Variants in SOX5 observed in about 807,000 individuals in gnomAD.
SOX5 encodes transcription factor SOX-5.
Under a neutral mutation model 92.0 loss-of-function variants are expected in SOX5, and 9 were observed. That is an observed-to-expected ratio of 0.10 (90% CI 0.06 to 0.17). The LOEUF is 0.17. SOX5 is among the 10% of genes least tolerant of loss of function. The pLI is 1.00. For missense variants in SOX5, 642 were observed against 944.5 expected (o/e 0.68, Z 4.20); for synonymous variants, 344 against 336.3 (o/e 1.02, Z -0.25).
intron 2 of SOX5, among the ~76,000 whole-genome samples, chr12:24,334,083 T>C (rs577258260): frequency 6.6e-6 from 1 of 151,348 alleles, no homozygotes; most frequent in African/African-American, 2.4e-5. Flanking sequence ...GAAATACTCA[T>C]ACTATATACT....
At chr12:24,071,528 A>T (rs1368037322) in intron 4 of SOX5, among the ~76,000 whole-genome samples, 1 of 152,084 alleles carries the variant, frequency 6.6e-6, no homozygotes, top group African/African-American at 2.4e-5. Flanking sequence ...TCTGCCTCCC[A>T]GGTTCACGCC....
chr12:23,566,685 C>T (rs1411768700), intron 10 of SOX5, among the ~76,000 whole-genome samples: 1 of 152,184 alleles, frequency 6.6e-6, no homozygotes, highest in East Asian at 1.9e-4. Context: ...GCAATTGTCT[C>T]TTCGGTTAAA....
At chr12:24,183,156 G>T (rs897870141) in intron 4 of SOX5, among the ~76,000 whole-genome samples, 1 of 152,120 alleles carries the variant, frequency 6.6e-6, no homozygotes, top group African/African-American at 2.4e-5. Context: ...TTTGTTATTA[G>T]TATGCGTTTT....
chr12:23,948,429 T>C (rs1184614300), intron 1 of SOX5, among the ~76,000 whole-genome samples: 9 of 152,090 alleles, frequency 5.9e-5, no homozygotes, highest in Admixed American at 5.9e-4. Flanking sequence ...CGTCTTTTCA[T>C]ATCAAATTCA....
chr12:23,898,185 G>C (rs1056704910), intron 1 of SOX5, among the ~76,000 whole-genome samples: 1 of 152,172 alleles, frequency 6.6e-6, no homozygotes, highest in African/African-American at 2.4e-5. Flanking sequence ...AGGTCTTTGT[G>C]AAGTGATTTA....
At chr12:23,621,769 A>G (rs2077211147) in intron 8 of SOX5, among the ~76,000 whole-genome samples, 1 of 152,138 alleles carries the variant, frequency 6.6e-6, no homozygotes, top group African/African-American at 2.4e-5. Context: ...TTCCAAGTTA[A>G]AGAATGCTCT....
At chr12:24,534,339 T>C (rs1000036300) in intron 1 of SOX5, among the ~76,000 whole-genome samples, 1 of 151,840 alleles carries the variant, frequency 6.6e-6, no homozygotes, top group African/African-American at 2.4e-5. Flanking sequence ...TCTTAGACCA[T>C]GGTGGTAGAA....
At chr12:24,058,508 A>C (rs1306710490) in intron 4 of SOX5, among the ~76,000 whole-genome samples, 1 of 152,186 alleles carries the variant, frequency 6.6e-6, no homozygotes, top group African/African-American at 2.4e-5. Context: ...TTTATACTAA[A>C]TACAACAGGA....
chr12:24,398,810 G>T (rs186106217), intron 1 of SOX5, among the ~76,000 whole-genome samples: 11 of 152,084 alleles, frequency 7.2e-5, no homozygotes, highest in African/African-American at 2.7e-4. Context: ...TTCTGTCTCC[G>T]TGTATTTCAA....
chr12:23,763,623 CA>C (rs2094624044), intron 3 of SOX5, among the ~76,000 whole-genome samples: 1 of 151,782 alleles, frequency 6.6e-6, no homozygotes, highest in South Asian at 2.1e-4. Context: ...GTAAACAGCA[CA>C]AATACAAAAT....
chr12:24,536,878 C>T (rs988942058), intron 1 of SOX5, among the ~76,000 whole-genome samples: 1 of 152,178 alleles, frequency 6.6e-6, no homozygotes, highest in African/African-American at 2.4e-5. Context: ...GGGAAAAAAA[C>T]ATGCAGAATA....
intron 4 of SOX5, among the ~76,000 whole-genome samples, chr12:23,982,106 C>T (rs940320690): frequency 5.3e-5 from 8 of 152,074 alleles, no homozygotes; most frequent in African/African-American, 9.7e-5. Context: ...GAATTGGGCA[C>T]GAACGAACAT....
chr12:24,531,414 C>T (rs1951185613), intron 1 of SOX5, among the ~76,000 whole-genome samples: 2 of 152,084 alleles, frequency 1.3e-5, no homozygotes, highest in Non-Finnish European at 2.9e-5. Context: ...TAAAAATGGA[C>T]ACATTTTTGC....
chr12:23,949,918 G>A (rs1203692311), upstream of SOX5, among the ~76,000 whole-genome samples: 1 of 151,092 alleles, frequency 6.6e-6, no homozygotes, highest in East Asian at 2.0e-4. Context: ...CGCTCCGGCT[G>A]CAAGGCTCTA....
chr12:24,392,494 G>A (rs1959094449), intron 1 of SOX5, among the ~76,000 whole-genome samples: 1 of 151,994 alleles, frequency 6.6e-6, no homozygotes, highest in African/African-American at 2.4e-5. Flanking sequence ...TCTCCCCAGA[G>A]TCTCCCCACA....
intron 3 of SOX5, among the ~76,000 whole-genome samples, chr12:23,779,788 A>AATATATATATAT (rs1172787679): frequency 1.4e-3 from 155 of 110,486 alleles, no homozygotes; most frequent in East Asian, 5.5e-3. Flanking sequence ...CACAGATTAA[A>AATATATATATAT]ATATATATAT....
intron 8 of SOX5, among the ~76,000 whole-genome samples, chr12:23,614,692 T>A (rs1022030920): frequency 2.0e-5 from 3 of 152,244 alleles, no homozygotes; most frequent in Non-Finnish European, 4.4e-5. Flanking sequence ...ATTTGTTGAG[T>A]AATGTGGTAT....
intron 4 of SOX5, among the ~76,000 whole-genome samples, chr12:23,754,452 CA>C (rs1202066368): frequency 6.6e-6 from 1 of 151,834 alleles, no homozygotes; most frequent in Non-Finnish European, 1.5e-5. Context: ...CTCTTTAAGG[CA>C]TATTGATTCT....
intron 4 of SOX5, among the ~76,000 whole-genome samples, chr12:24,006,441 C>G (rs1020621788): frequency 5.3e-5 from 8 of 152,056 alleles, no homozygotes; most frequent in African/African-American, 1.9e-4. Flanking sequence ...AAGGGAGGTA[C>G]AGAACTTTTT....
Sources: gnomAD v4.1 joint callset for allele counts (sites outside exome capture counted in the v4.1 genomes callset) on GRCh38, gnomAD v4.1.1 for gene constraint, MANE v1.5 for transcripts, NCBI Gene and HGNC (gene_info 2026-07-23, HGNC 2026-07-21) for gene names.